The following EPHA5 variants were observed in gnomAD, a reference collection of about 807,000 sequenced individuals.
EPHA5 encodes the protein EPH receptor A5, also known as ephrin type-A receptor 5.
A neutral mutation model predicts 105.0 loss-of-function variants in EPHA5; 60 were observed. The observed-to-expected ratio is 0.57, with a 90% CI of 0.46 to 0.71. The LOEUF is 0.71. Among genes scored for constraint, EPHA5 ranks in the 30% least tolerant of loss-of-function variants. EPHA5 has a pLI of 0.00. For missense variants in EPHA5, 1,218 were observed against 1,274.7 expected (o/e 0.96, Z 0.68); for synonymous variants, 513 against 449.1 (o/e 1.14, Z -1.80).
intron 5 of EPHA5, among the ~76,000 whole-genome samples, chr4:65,427,185 C>CG (rs1553914341): frequency 4.5e-4 from 58 of 129,076 alleles, no homozygotes; most frequent in African/African-American, 1.6e-3. Flanking sequence ...CGAGTGTATT[C>CG]TTTTTTTTTT....
At chr4:65,429,207 G>A (rs770314099) in intron 5 of EPHA5, among the ~76,000 whole-genome samples, 15 of 151,956 alleles carry the variant, frequency 9.9e-5, no homozygotes, top group Non-Finnish European at 1.9e-4. Flanking sequence ...AGATAGCGTG[G>A]TGCATTTGGA....
At position 65,353,503 on chromosome 4, in the gene EPHA5, TACACAC is replaced by T. The variant is rs66462845; in HGVS notation, c.2174-406_2174-401del. 2.4e-3 allele frequency among the ~76,000 whole-genome samples: 355 copies of T among 146,254 alleles called. 3 individuals are homozygous for T. Among genetic ancestry groups the T allele is most frequent in the Middle Eastern group, 3.5e-3 (1 of 286 alleles). On this transcript the variant is annotated intron_variant, in intron 11 of 16. Coordinates refer to ENST00000613740, the MANE Select transcript of EPHA5 (RefSeq NM_001281766.3). Reference sequence around the variant, plus strand: ...TAATAACAGACTGATATTTAAGATTTACACACACACACACACACACACACACACACC... The same window carrying T: ...TAATAACAGACTGATATTTAAGATTTACACACACACACACACACACACACC...
At position 65,351,394 on chromosome 4, in the gene EPHA5, T is replaced by C; in HGVS notation, c.2440A>G (p.Thr814Ala). ...LEDDPEAAYT[T>A]RGGKIPIRWT... ...TGCACTCTGTTAGATCTTACCCTTG[T>C]GGTGTAGGCTGCCTCGGGATCATCT... Residue 814 changes from threonine to alanine, a missense_variant, in exon 13 of 17, where the codon ACA becomes GCA. Thr to Ala is a moderately conservative substitution (Grantham distance 58). Around this residue, in one of 3 missense-constraint regions of EPHA5, gnomAD observed 971 missense variants for 1,013.5 expected, o/e 0.96. Transcript: ENST00000613740. The C allele has an allele frequency of 6.2e-7, 1 of 1,613,572 alleles. No homozygotes were observed. The highest frequency in any genetic ancestry group is 8.5e-7 in the Non-Finnish European group (1 of 1,179,656).
At chr4:65,437,427 A>G (rs944213272) in intron 5 of EPHA5, among the ~76,000 whole-genome samples, 1 of 152,100 alleles carries the variant, frequency 6.6e-6, no homozygotes, top group Non-Finnish European at 1.5e-5. Context: ...TAATTAATTA[A>G]AAAAGACATA....
At position 65,343,462 on chromosome 4, in the gene EPHA5, T is replaced by A. The variant is rs1043260015; in HGVS notation, c.2595+4592A>T. 5.9e-5 allele frequency among the ~76,000 whole-genome samples: 9 copies of A among 152,176 alleles called. No homozygotes were observed. The East Asian group carries it at 1.2e-3, about 20-fold the overall frequency. On this transcript the variant is annotated intron_variant, in intron 14 of 16. Transcript: ENST00000613740. ...GATTATCCTGCATGCCTTGGTAACG[T>A]AACATTTTCATGGTGGCAAAGCCCT... is the stretch of plus-strand genomic sequence containing the variant.
At chr4:65,517,956 A>G (rs1379302129) in intron 3 of EPHA5, among the ~76,000 whole-genome samples, 1 of 151,974 alleles carries the variant, frequency 6.6e-6, no homozygotes, top group Non-Finnish European at 1.5e-5. Flanking sequence ...ACCTCAAAAT[A>G]ATAAGATTTG....
intron 2 of EPHA5, among the ~76,000 whole-genome samples, chr4:65,613,312 CCTCCAGCTTTATT>C (rs1254100547): frequency 6.6e-6 from 1 of 151,962 alleles, no homozygotes; most frequent in African/African-American, 2.4e-5. Flanking sequence ...TAATGTGATG[CCTCCAGCTTTATT>C]CTTTTTGCTT....
intron 3 of EPHA5, among the ~76,000 whole-genome samples, chr4:65,505,339 G>C: frequency 6.6e-6 from 1 of 151,900 alleles, no homozygotes; most frequent in East Asian, 1.9e-4. Flanking sequence ...GTTTTATTGT[G>C]TCATTTTGGT....
chr4:65,401,921 G>C (rs923980748), intron 8 of EPHA5, among the ~76,000 whole-genome samples: 7 of 151,862 alleles, frequency 4.6e-5, no homozygotes, highest in African/African-American at 1.7e-4. Flanking sequence ...GAGAGAGAGA[G>C]AGAGAGAGAG....
At chr4:65,328,116 A>T (rs979329941) in intron 16 of EPHA5, among the ~76,000 whole-genome samples, 1 of 151,132 alleles carries the variant, frequency 6.6e-6, no homozygotes, top group African/African-American at 2.4e-5. Context: ...TATCATGATC[A>T]TGCATAATCT....
intron 1 of EPHA5, 177 bp downstream of exon 1, chr4:65,669,384 AC>A (rs1220534674): frequency 1.0e-6 from 1 of 984,578 alleles, no homozygotes; most frequent in Non-Finnish European, 1.2e-6. Context: ...AAACAATGCA[AC>A]CAAAAACCGC....
At chr4:65,489,186 C>A (rs35091748) in intron 5 of EPHA5, among the ~76,000 whole-genome samples, 2,750 of 152,100 alleles carry the variant, frequency 0.018, 47 homozygotes, top group Non-Finnish European at 0.03. Context: ...CGTGAGCCAC[C>A]GCGCCCAGCC....
At chr4:65,398,063 C>T (rs1721426102) in intron 8 of EPHA5, among the ~76,000 whole-genome samples, 1 of 152,138 alleles carries the variant, frequency 6.6e-6, no homozygotes, top group Non-Finnish European at 1.5e-5. Flanking sequence ...AGGAGCCCCA[C>T]CCTCTTAAGT....
rs573569182 is a variant in EPHA5, at chr4:65,349,473, T to C, written c.2446-1270A>G. ...CAAATATTTCATCTATCATCAAATA[T>C]ATATTGAAAGAGAAAGAGGTGAAGG... On this transcript the variant is annotated intron_variant, in intron 13 of 16. Transcript: ENST00000613740. Among the ~76,000 whole-genome samples, 49 of 152,244 alleles carry C rather than the reference T, an allele frequency of 3.2e-4. No homozygotes were observed. The South Asian group carries it at 9.5e-3, about 30-fold the overall frequency.
intron 2 of EPHA5, among the ~76,000 whole-genome samples, chr4:65,625,567 T>C (rs1377801182): frequency 6.6e-6 from 1 of 152,136 alleles, no homozygotes; most frequent in Admixed American, 6.6e-5. Flanking sequence ...GAAGTCAATA[T>C]TATAATCTTT....
rs192770153 is a variant in EPHA5 at position 65,343,747 on chromosome 4, G to C, written c.2595+4307C>G. Among the ~76,000 whole-genome samples, 38 of 152,196 alleles carry C rather than the reference G, an allele frequency of 2.5e-4. No individual in the cohort carries two copies. The East Asian group carries it at 5.8e-3, about 23-fold the overall frequency. ...TTGAGAAAGTAACAATGCATGCATT[G>C]GACATTGTATTATAGACAGATATTT... On this transcript the variant is annotated intron_variant, in intron 14 of 16. Coordinates refer to ENST00000613740, the MANE Select transcript of EPHA5 (RefSeq NM_001281766.3).
chr4:65,479,618 G>A (rs567805271), intron 5 of EPHA5, among the ~76,000 whole-genome samples: 1 of 152,120 alleles, frequency 6.6e-6, no homozygotes, highest in East Asian at 1.9e-4. Flanking sequence ...TAAAATGACT[G>A]TATCAGGGCT....
chr4:65,373,831 A>G (rs892605690), intron 8 of EPHA5, among the ~76,000 whole-genome samples: 1 of 151,906 alleles, frequency 6.6e-6, no homozygotes, highest in African/African-American at 2.4e-5. Flanking sequence ...CAGAGGATGG[A>G]GTAAATAATA....
chr4:65,633,747 CAGG>C (rs1746858691), intron 2 of EPHA5, among the ~76,000 whole-genome samples: 1 of 152,006 alleles, frequency 6.6e-6, no homozygotes, highest in Non-Finnish European at 1.5e-5. Flanking sequence ...AGTCTGTTAA[CAGG>C]TACCTCATGT....
Sources: allele counts gnomAD v4.1 joint callset (sites outside exome capture counted in the v4.1 genomes callset), GRCh38; gene constraint gnomAD v4.1.1; regional missense constraint gnomAD v4.1.1; transcripts MANE v1.5; gene names NCBI Gene and HGNC (gene_info 2026-07-23, HGNC 2026-07-21).